Variants in CLASP2 observed in about 807,000 individuals in gnomAD.
CLASP2 encodes the protein CLIP-associating protein 2.
In CLASP2, 47 loss-of-function variants were observed where a neutral mutation model predicts 194.4. The ratio of observed to expected loss-of-function variants is 0.24; its 90% confidence interval spans 0.19 to 0.31. The LOEUF is 0.31. Ranked by LOEUF, CLASP2 falls within the 10% of genes least tolerant of loss-of-function variation. The pLI, the probability that CLASP2 is intolerant of heterozygous loss-of-function variation, is 1.00. For synonymous variants in CLASP2, 619 were observed against 633.5 expected (o/e 0.98, Z 0.34); for missense variants, 1,445 against 1,823.6 (o/e 0.79, Z 3.78).
At chr3:33,717,622 G>T (rs2125489927) in intron 1 of CLASP2, among the ~76,000 whole-genome samples, 186 bp downstream of exon 1, 1 of 152,066 alleles carries the variant, frequency 6.6e-6, no homozygotes, top group South Asian at 2.1e-4. Flanking sequence ...AGACGGGGTT[G>T]CACCATGTTG....
chr3:33,646,815 A>G (rs984293173), intron 7 of CLASP2, among the ~76,000 whole-genome samples: 27 of 152,240 alleles, frequency 1.8e-4, no homozygotes, highest in Non-Finnish European at 3.7e-4. Flanking sequence ...ATCCAGATCC[A>G]CAGATTACCA....
intron 14 of CLASP2, among the ~76,000 whole-genome samples, chr3:33,607,900 A>G (rs1273649166): frequency 6.6e-6 from 1 of 152,228 alleles, no homozygotes; most frequent in Non-Finnish European, 1.5e-5. Flanking sequence ...ACTTGAAATT[A>G]TATTATGCCT....
At chr3:33,693,800 A>G (rs1162361593) in intron 2 of CLASP2, among the ~76,000 whole-genome samples, 2 of 152,144 alleles carry the variant, frequency 1.3e-5, no homozygotes, top group Admixed American at 1.3e-4. Flanking sequence ...AGTGAAAACA[A>G]TATTGACTGA....
At chr3:33,518,002 TTAATA>T (rs1351567286) in intron 34 of CLASP2, among the ~76,000 whole-genome samples, 1 of 152,232 alleles carries the variant, frequency 6.6e-6, no homozygotes, top group Non-Finnish European at 1.5e-5. Context: ...ATCAGTTATT[TTAATA>T]TGAGTTAAAA....
chr3:33,531,483 A>G (rs529151752), intron 34 of CLASP2, among the ~76,000 whole-genome samples: 25 of 152,194 alleles, frequency 1.6e-4, no homozygotes, highest in Admixed American at 3.9e-4. Context: ...GCAAATCAAA[A>G]CTACAATGAC....
chr3:33,565,527 A>G (rs1325938183), intron 27 of CLASP2, among the ~76,000 whole-genome samples: 1 of 152,170 alleles, frequency 6.6e-6, no homozygotes, highest in African/African-American at 2.4e-5. Flanking sequence ...ATAATACAGT[A>G]TATAGGCTGG....
At chr3:33,703,687 C>T (rs1232015289) in intron 1 of CLASP2, among the ~76,000 whole-genome samples, 1 of 152,230 alleles carries the variant, frequency 6.6e-6, no homozygotes, top group African/African-American at 2.4e-5. Context: ...GGTTTCACCA[C>T]GTTGCCCAAG....
At chr3:33,529,841 A>C (rs1049523519) in intron 34 of CLASP2, among the ~76,000 whole-genome samples, 1 of 151,808 alleles carries the variant, frequency 6.6e-6, no homozygotes, top group Non-Finnish European at 1.5e-5. Flanking sequence ...AGCCGGGCGC[A>C]GTGGCGGGCG....
chr3:33,542,057 T>G (rs931100182), intron 32 of CLASP2, among the ~76,000 whole-genome samples: 1 of 152,194 alleles, frequency 6.6e-6, no homozygotes, highest in African/African-American at 2.4e-5. Flanking sequence ...GGTATCTCAC[T>G]GTGGGCTTGA....
chr3:33,658,545 A>G (rs1461579542), intron 7 of CLASP2, among the ~76,000 whole-genome samples: 3 of 152,252 alleles, frequency 2.0e-5, no homozygotes, highest in African/African-American at 7.2e-5. Flanking sequence ...GCTTCTTTAA[A>G]TATTTTATTT....
chr3:33,658,041 T>C lies in CLASP2; in HGVS notation c.715+5404A>G, dbSNP rs191762166. Among the ~76,000 whole-genome samples, 8 of 152,292 alleles carry C rather than the reference T, an allele frequency of 5.3e-5. No homozygotes were observed. The East Asian group carries it at 5.8e-4, about 11-fold the overall frequency. ...GGTTTCCCTTCATACATATCTGTGA[T>C]GTTGATGTGATTATAAAGTATATCT... On this transcript the variant is annotated intron_variant, in intron 7 of 38. Coordinates refer to ENST00000682230, the MANE Select transcript of CLASP2 (RefSeq NM_001365631.1).
intron 34 of CLASP2, among the ~76,000 whole-genome samples, chr3:33,520,951 A>C (rs1194702528): frequency 1.3e-5 from 2 of 151,908 alleles, no homozygotes; most frequent in Non-Finnish European, 2.9e-5. Flanking sequence ...TTAGCCTTTA[A>C]AATCATCTTC....
rs75767472 is a variant in CLASP2 at position 33,691,534 on chromosome 3, A to G, written c.275-1602T>C. Reference sequence around the variant, plus strand: ...TGTGTAAGAAATCAATGTCCTCAACATAAGAATCATAAGTCTAATTATGAG... The same window carrying G: ...TGTGTAAGAAATCAATGTCCTCAACGTAAGAATCATAAGTCTAATTATGAG... On this transcript the variant is annotated intron_variant, in intron 2 of 38. Coordinates refer to ENST00000682230, the MANE Select transcript of CLASP2 (RefSeq NM_001365631.1). Among the ~76,000 whole-genome samples the G allele has an allele frequency of 4.8e-3, 731 of 152,338 alleles. 4 individuals are homozygous for G. Among genetic ancestry groups the G allele is most frequent in the Non-Finnish European group, 8.8e-3 (598 of 68,032 alleles).
At chr3:33,583,842 G>T (rs1424320222) in intron 22 of CLASP2, among the ~76,000 whole-genome samples, 10 of 152,136 alleles carry the variant, frequency 6.6e-5, no homozygotes, top group Admixed American at 5.2e-4. Flanking sequence ...TGGAAATGAC[G>T]GATCAAGTAG....
intron 22 of CLASP2, 24 bp downstream of exon 22, chr3:33,584,725 CA>C: frequency 6.1e-6 from 9 of 1,472,360 alleles, no homozygotes; most frequent in Middle Eastern, 1.9e-4. Context: ...ACATGTCTCA[CA>C]TAAAAAAAAA....
chr3:33,531,569 A>G (rs2056307594), intron 34 of CLASP2, among the ~76,000 whole-genome samples: 1 of 152,222 alleles, frequency 6.6e-6, no homozygotes, highest in African/African-American at 2.4e-5. Context: ...TGAGGTCAGG[A>G]GTTCGAGACC....
chr3:33,588,281 C>T (rs752937995), intron 21 of CLASP2, among the ~76,000 whole-genome samples: 3 of 152,076 alleles, frequency 2.0e-5, no homozygotes, highest in Non-Finnish European at 4.4e-5. Flanking sequence ...GCCACCAACG[C>T]TAATTATTTC....
chr3:33,713,888 A>G (rs1414685936), intron 1 of CLASP2, among the ~76,000 whole-genome samples: 1 of 152,152 alleles, frequency 6.6e-6, no homozygotes, highest in Non-Finnish European at 1.5e-5. Context: ...AATGTTACTA[A>G]TCCTCATAAT....
intron 8 of CLASP2, among the ~76,000 whole-genome samples, chr3:33,639,443 A>G (rs1293824861): frequency 6.6e-6 from 1 of 152,162 alleles, no homozygotes; most frequent in African/African-American, 2.4e-5. Context: ...CATCCATAGA[A>G]AGGCTAGGTC....
Sources: allele counts gnomAD v4.1 joint callset (sites outside exome capture counted in the v4.1 genomes callset), GRCh38; gene constraint gnomAD v4.1.1; transcripts MANE v1.5; gene names NCBI Gene and HGNC (gene_info 2026-07-23, HGNC 2026-07-21).